KLF3: variants seen among roughly 807,000 people sequenced by gnomAD.
The protein encoded by KLF3 is Krueppel-like factor 3.
A neutral mutation model predicts 32.7 loss-of-function variants in KLF3; 6 were observed. That is an observed-to-expected ratio of 0.18 (90% CI 0.10 to 0.36). The LOEUF is 0.36. Among genes scored for constraint, KLF3 ranks in the 10% least tolerant of loss-of-function variants. KLF3 has a pLI of 1.00. For synonymous variants in KLF3, 145 were observed against 172.8 expected, an observed-to-expected ratio of 0.84 and a Z score of 1.26; for missense variants, 338 against 449.7, an observed-to-expected ratio of 0.75 and a Z score of 2.25.
chr4:38,686,705 C>G (rs1722710254), intron 2 of KLF3, among the ~76,000 whole-genome samples: 1 of 152,084 alleles, frequency 6.6e-6, no homozygotes, highest in African/African-American at 2.4e-5. Flanking sequence ...TAAGCAGGGA[C>G]AAGAAGGGAT....
intron 1 of KLF3, among the ~76,000 whole-genome samples, chr4:38,669,579 C>G (rs1722138110): frequency 6.6e-6 from 1 of 152,044 alleles, no homozygotes; most frequent in Non-Finnish European, 1.5e-5. Context: ...AACTAGGATT[C>G]ATTTCTTCCA....
chr4:38,680,142 C>T (rs1014580641), intron 1 of KLF3, among the ~76,000 whole-genome samples: 1 of 152,066 alleles, frequency 6.6e-6, no homozygotes, highest in African/African-American at 2.4e-5. Context: ...AAATTCCAGC[C>T]ATTCCAGGGG....
Position 38,664,321 on chromosome 4 carries a change from A to C in KLF3, c.-180A>C, listed in dbSNP as rs1207465862. 6.6e-6 allele frequency: 1 copy of C among 151,588 alleles called. No individual in the cohort carries two copies. The highest frequency in any genetic ancestry group is 1.5e-5 in the Non-Finnish European group (1 of 67,942). 9.4% of individuals were successfully genotyped at this position (151,588 alleles called of 1,614,324 possible). Reference sequence around the variant, plus strand: ...GGAGCGCAGCGAGAGCGCCCGCCGCACGCGCGCCCGTCCCCGTCCCCTGCG... The same window carrying C: ...GGAGCGCAGCGAGAGCGCCCGCCGCCCGCGCGCCCGTCCCCGTCCCCTGCG... On this transcript the variant is annotated 5_prime_UTR_variant, in exon 1 of 6. Transcript: ENST00000261438.
Position 38,698,261 on chromosome 4 carries a change from A to G in KLF3, c.*998A>G, listed in dbSNP as rs923900212. The G allele has an allele frequency of 6.6e-6, 1 of 152,546 alleles. No homozygotes were observed. The highest frequency in any genetic ancestry group is 2.4e-5 in the African/African-American group (1 of 41,468). 9.4% of individuals were successfully genotyped at this position (152,546 alleles called of 1,614,324 possible). On this transcript the variant is annotated 3_prime_UTR_variant, in exon 6 of 6. Coordinates refer to ENST00000261438, the MANE Select transcript of KLF3 (RefSeq NM_016531.6). ...GGTAAGAAATCTTTCGGGTAAGAGT[A>G]TGGATGGTTCTTCTTTTACCCAATC...
At chr4:38,686,443 C>CAAAAAAAA (rs61128677) in intron 2 of KLF3, among the ~76,000 whole-genome samples, 2 of 100,956 alleles carry the variant, frequency 2.0e-5, no homozygotes, top group African/African-American at 3.4e-5. Flanking sequence ...GACCCTATCT[C>CAAAAAAAA]AAAAAAAAAA....
At chr4:38,693,636 A>G (rs546015790) in intron 4 of KLF3, among the ~76,000 whole-genome samples, 1 of 152,262 alleles carries the variant, frequency 6.6e-6, no homozygotes, top group Non-Finnish European at 1.5e-5. Context: ...TTCCTGTATT[A>G]TATGGAACAT....
At chr4:38,677,483 T>C (rs1405293944) in intron 1 of KLF3, among the ~76,000 whole-genome samples, 3 of 152,220 alleles carry the variant, frequency 2.0e-5, no homozygotes, top group African/African-American at 4.8e-5. Flanking sequence ...AGCTAAATGG[T>C]AGACTTAGAA....
chr4:38,678,510 T>C (rs1722418021), intron 1 of KLF3, among the ~76,000 whole-genome samples: 1 of 152,186 alleles, frequency 6.6e-6, no homozygotes, highest in African/African-American at 2.4e-5. Context: ...CACCCTGTGA[T>C]GGAGGAAAAT....
chr4:38,700,097 C>G lies in KLF3; in HGVS notation c.*2834C>G, dbSNP rs944237577. ...CTAGAGAAGTCAGAAGAATCAGAAT[C>G]CATCGTATTTTAGAGTTATGTGAAT... On this transcript the variant is annotated 3_prime_UTR_variant, in exon 6 of 6. Transcript: ENST00000261438. The G allele has an allele frequency of 2.6e-5, 4 of 152,146 alleles. No homozygotes were observed. The highest frequency in any genetic ancestry group is 6.5e-5 in the Admixed American group (1 of 15,274). The allele number at this position is 152,146 out of a possible 1,614,324, so 9.4% of individuals were successfully genotyped here.
chr4:38,684,337 G>A (rs928652232), intron 2 of KLF3, among the ~76,000 whole-genome samples: 2 of 152,120 alleles, frequency 1.3e-5, no homozygotes, highest in Non-Finnish European at 2.9e-5. Flanking sequence ...CTAAGAGAGT[G>A]TGTCAATTTA....
chr4:38,691,482 C>A (rs73232900), intron 4 of KLF3, among the ~76,000 whole-genome samples: 3,356 of 152,272 alleles, frequency 0.022, 61 homozygotes, highest in East Asian at 0.06. Flanking sequence ...CTAAATAAAA[C>A]CAACTGCCTC....
At chr4:38,696,622 C>T (rs1723052181) in intron 5 of KLF3, among the ~76,000 whole-genome samples, 2 of 152,210 alleles carry the variant, frequency 1.3e-5, no homozygotes, top group African/African-American at 4.8e-5. Flanking sequence ...TAATCCCTAA[C>T]AGATACTTCA....
intron 2 of KLF3, among the ~76,000 whole-genome samples, chr4:38,685,140 G>A (rs1011913432): frequency 2.0e-5 from 3 of 152,108 alleles, no homozygotes; most frequent in African/African-American, 7.2e-5. Flanking sequence ...GGGGAAGACT[G>A]TTACCAGGTT....
At chr4:38,672,504 G>A (rs1371768230) in intron 1 of KLF3, among the ~76,000 whole-genome samples, 1 of 152,194 alleles carries the variant, frequency 6.6e-6, no homozygotes, top group African/African-American at 2.4e-5. Flanking sequence ...GAAGAATTAG[G>A]GGGATTTAGA....
At chr4:38,676,307 G>A (rs1236316921) in intron 1 of KLF3, among the ~76,000 whole-genome samples, 1 of 152,098 alleles carries the variant, frequency 6.6e-6, no homozygotes, top group Non-Finnish European at 1.5e-5. Flanking sequence ...CAGGAGTGGT[G>A]GTGCATGCCT....
At chr4:38,675,713 C>T (rs1414816256) in intron 1 of KLF3, among the ~76,000 whole-genome samples, 3 of 152,136 alleles carry the variant, frequency 2.0e-5, no homozygotes, top group African/African-American at 7.2e-5. Context: ...TGTTTTAGTG[C>T]GCCACCTACT....
chr4:38,692,115 A>C (rs1722892872), intron 4 of KLF3, among the ~76,000 whole-genome samples: 2 of 152,256 alleles, frequency 1.3e-5, no homozygotes, highest in South Asian at 4.1e-4. Flanking sequence ...AAAAAGCATA[A>C]GGATCAGATT....
intron 1 of KLF3, among the ~76,000 whole-genome samples, chr4:38,669,763 G>T (rs1722143393): frequency 6.6e-6 from 1 of 151,474 alleles, no homozygotes. Flanking sequence ...CGTGGTGGTG[G>T]GCGCCTGTAA....
At chr4:38,685,139 T>C (rs893517830) in intron 2 of KLF3, among the ~76,000 whole-genome samples, 2 of 152,212 alleles carry the variant, frequency 1.3e-5, no homozygotes, top group Non-Finnish European at 2.9e-5. Flanking sequence ...CGGGGAAGAC[T>C]GTTACCAGGT....
Sources: gnomAD v4.1 joint callset for allele counts (sites outside exome capture counted in the v4.1 genomes callset) on GRCh38, gnomAD v4.1.1 for gene constraint, MANE v1.5 for transcripts, NCBI Gene and HGNC (gene_info 2026-07-23, HGNC 2026-07-21) for gene names.